Variants in RANBP17 observed in about 807,000 individuals in gnomAD.
The protein encoded by RANBP17 is ran-binding protein 17.
Under a neutral mutation model 141.2 loss-of-function variants are expected in RANBP17, and 158 were observed. That is an observed-to-expected ratio of 1.12 (90% CI 0.98 to 1.28). RANBP17 has a LOEUF of 1.28. Among genes scored for constraint, RANBP17 ranks in the 50% most tolerant of loss-of-function variants. The pLI is 0.00. For synonymous variants in RANBP17, 430 were observed against 450.0 expected (o/e 0.96, Z 0.56); for missense variants, 1,438 against 1,290.7 (o/e 1.11, Z -1.75).
chr5:171,148,237 G>A (rs934398041), intron 14 of RANBP17, among the ~76,000 whole-genome samples: 4 of 152,108 alleles, frequency 2.6e-5, no homozygotes, highest in Admixed American at 2.0e-4. Flanking sequence ...CAAGTAATCA[G>A]GACACAAACA....
At chr5:171,002,027 G>A (rs1035413832) in intron 14 of RANBP17, among the ~76,000 whole-genome samples, 3 of 151,988 alleles carry the variant, frequency 2.0e-5, no homozygotes, top group African/African-American at 7.3e-5. Flanking sequence ...AAGGGAGGGG[G>A]CCTGAACAAT....
At chr5:171,191,610 C>T (rs547113662) in intron 18 of RANBP17, among the ~76,000 whole-genome samples, 1 of 152,110 alleles carries the variant, frequency 6.6e-6, no homozygotes, top group East Asian at 1.9e-4. Context: ...TGGCGTGAAC[C>T]CCGGAGGCGG....
At chr5:171,048,515 C>T (rs1225152358) in intron 14 of RANBP17, among the ~76,000 whole-genome samples, 6 of 151,786 alleles carry the variant, frequency 4.0e-5, no homozygotes, top group Admixed American at 3.3e-4. Context: ...GGTACATGTG[C>T]AGGTTTGTTA....
rs5873253 is a variant in RANBP17, at chr5:171,093,215, C to CAAA, written c.1711-76905_1711-76903dup. On this transcript the variant is annotated intron_variant, in intron 14 of 27. Transcript: ENST00000523189. The stretch of plus-strand genomic sequence containing the variant: ...ATAGCAGTGGAACTCAGTCTCCCCC[C>CAAA]AAAAAAAAAAAATAGACATTTTTAT... Among the ~76,000 whole-genome samples, 1,265 of 150,212 alleles carry CAAA rather than the reference C, an allele frequency of 8.4e-3. 19 individuals carry two copies. The highest frequency in any genetic ancestry group is 0.029 in the African/African-American group (1,188 of 40,910).
chr5:171,118,570 T>G (rs1755804502), intron 14 of RANBP17, among the ~76,000 whole-genome samples: 1 of 152,172 alleles, frequency 6.6e-6, no homozygotes, highest in African/African-American at 2.4e-5. Context: ...TTCAGTTTCT[T>G]TCATTTGTGT....
intron 14 of RANBP17, among the ~76,000 whole-genome samples, chr5:171,082,794 T>C (rs1785337971): frequency 6.6e-6 from 1 of 152,172 alleles, no homozygotes; most frequent in Non-Finnish European, 1.5e-5. Flanking sequence ...AGGTATCTTA[T>C]TTGCTAGTAC....
intron 21 of RANBP17, among the ~76,000 whole-genome samples, chr5:171,220,700 G>T (rs571610581): frequency 1.3e-5 from 2 of 151,910 alleles, no homozygotes; most frequent in African/African-American, 4.8e-5. Flanking sequence ...CACCCATCTC[G>T]GCTTCCCAAA....
intron 14 of RANBP17, among the ~76,000 whole-genome samples, chr5:171,029,843 T>G (rs923679252): frequency 1.3e-5 from 2 of 152,120 alleles, no homozygotes; most frequent in African/African-American, 2.4e-5. Flanking sequence ...TATGTGAAAT[T>G]TGTTTTATAG....
In RANBP17 at chr5:171,298,946, G is replaced by A; in HGVS notation, c.*88G>A. 2 of 953,502 alleles carry A rather than the reference G, an allele frequency of 2.1e-6. No individual in the cohort carries two copies. 59.1% of individuals were successfully genotyped at this position (953,502 alleles called of 1,614,324 possible). ...CAGGACAGTGATGTTGGCTAGCCCA[G>A]GGGAATGTATTTTTCAAAACATACA... On this transcript the variant is annotated 3_prime_UTR_variant, in exon 28 of 28. Transcript: ENST00000523189.
chr5:171,085,177 A>G (rs1292956416), intron 14 of RANBP17, among the ~76,000 whole-genome samples: 13 of 134,920 alleles, frequency 9.6e-5, no homozygotes, highest in Admixed American at 4.6e-4. Flanking sequence ...AGCTTCCTAC[A>G]TATGGCTAGC....
intron 14 of RANBP17, among the ~76,000 whole-genome samples, chr5:171,156,489 T>C (rs1002702223): frequency 1.3e-5 from 2 of 152,170 alleles, no homozygotes; most frequent in Non-Finnish European, 2.9e-5. Context: ...GAACGGCTTT[T>C]ATGTCATGTG....
At chr5:171,272,004 A>G (rs1319384579) in intron 25 of RANBP17, among the ~76,000 whole-genome samples, 2 of 152,242 alleles carry the variant, frequency 1.3e-5, no homozygotes, top group African/African-American at 4.8e-5. Context: ...ATGGAGTACT[A>G]CACAGCCATC....
At chr5:170,868,354 T>A (rs1767442727) in intron 1 of RANBP17, among the ~76,000 whole-genome samples, 1 of 152,068 alleles carries the variant, frequency 6.6e-6, no homozygotes, top group African/African-American at 2.4e-5. Context: ...GCTTAAGAAA[T>A]CCTCCCACCT....
intron 27 of RANBP17, among the ~76,000 whole-genome samples, chr5:171,297,136 C>A (rs2128047433): frequency 6.6e-6 from 1 of 152,274 alleles, no homozygotes; most frequent in Middle Eastern, 3.4e-3. Flanking sequence ...TCTGCCTGTT[C>A]TTTAAGAATG....
At chr5:170,997,243 A>G (rs1048302331) in intron 14 of RANBP17, among the ~76,000 whole-genome samples, 19 of 152,196 alleles carry the variant, frequency 1.2e-4, no homozygotes, top group African/African-American at 3.9e-4. Flanking sequence ...CTGGGAGTCA[A>G]TTAAACCTCT....
intron 14 of RANBP17, among the ~76,000 whole-genome samples, chr5:171,101,952 C>T (rs1787194858): frequency 6.6e-6 from 1 of 152,088 alleles, no homozygotes; most frequent in African/African-American, 2.4e-5. Flanking sequence ...AGGGTTTCTG[C>T]AGAGATCCAC....
At chr5:171,000,366 T>A (rs1270005122) in intron 14 of RANBP17, among the ~76,000 whole-genome samples, 13 of 152,148 alleles carry the variant, frequency 8.5e-5, no homozygotes, top group Non-Finnish European at 7.4e-5. Context: ...GGATTCGAGT[T>A]TCTCCACATC....
At chr5:171,160,799 G>A (rs186919469) in intron 14 of RANBP17, among the ~76,000 whole-genome samples, 1 of 148,584 alleles carries the variant, frequency 6.7e-6, no homozygotes, top group African/African-American at 2.5e-5. Context: ...ATTCTTTTTG[G>A]TTTTTTTTTT....
intron 14 of RANBP17, among the ~76,000 whole-genome samples, chr5:170,984,578 A>G (rs1777991833): frequency 6.6e-6 from 1 of 152,132 alleles, no homozygotes; most frequent in Non-Finnish European, 1.5e-5. Context: ...GTGAGCTGTG[A>G]TCACACCAGT....
Sources: allele counts gnomAD v4.1 joint callset (sites outside exome capture counted in the v4.1 genomes callset), GRCh38; gene constraint gnomAD v4.1.1; transcripts MANE v1.5; gene names NCBI Gene and HGNC (gene_info 2026-07-23, HGNC 2026-07-21).